Variants in GREM2 observed in about 807,000 individuals in gnomAD.
GREM2 encodes the protein gremlin 2, DAN family BMP antagonist, also known as gremlin-2.
GREM2 carries 11 observed loss-of-function variants against 14.2 expected under a neutral mutation model. That is an observed-to-expected ratio of 0.78 (90% CI 0.49 to 1.28). The LOEUF is 1.28. GREM2 is among the 50% of genes most tolerant of loss of function. The pLI is 0.00. For synonymous variants in GREM2, 98 were observed against 97.6 expected, an observed-to-expected ratio of 1.00 and a Z score of -0.02; for missense variants, 210 against 218.5, an observed-to-expected ratio of 0.96 and a Z score of 0.24.
At chr1:240,521,390 A>T (rs1678087836) in intron 1 of GREM2, among the ~76,000 whole-genome samples, 1 of 151,924 alleles carries the variant, frequency 6.6e-6, no homozygotes. Context: ...AACACGGTGA[A>T]ACCCCGTCTC....
intron 1 of GREM2, among the ~76,000 whole-genome samples, chr1:240,568,282 T>G (rs1259883010): frequency 6.6e-6 from 1 of 152,018 alleles, no homozygotes; most frequent in Non-Finnish European, 1.5e-5. Flanking sequence ...TGTAATAAGT[T>G]TAAAATATGC....
chr1:240,544,539 A>G (rs1678674609), intron 1 of GREM2, among the ~76,000 whole-genome samples: 1 of 152,218 alleles, frequency 6.6e-6, no homozygotes, highest in Admixed American at 6.5e-5. Context: ...AATGGATACA[A>G]AGGAACAGGT....
intron 1 of GREM2, chr1:240,550,404 A>C (rs1023769628): frequency 6.6e-6 from 1 of 151,750 alleles, no homozygotes; most frequent in African/African-American, 2.4e-5. Context: ...ATGATTTGTT[A>C]AAACAAACAA....
chr1:240,600,099 G>A (rs1679893339), intron 1 of GREM2, among the ~76,000 whole-genome samples: 2 of 152,194 alleles, frequency 1.3e-5, no homozygotes, highest in Admixed American at 1.3e-4. Context: ...GGAGTATGGT[G>A]TAGTAGAAAG....
intron 1 of GREM2, among the ~76,000 whole-genome samples, chr1:240,573,274 C>A (rs1679294076): frequency 6.6e-6 from 1 of 151,932 alleles, no homozygotes; most frequent in African/African-American, 2.4e-5. Flanking sequence ...CCAGTCTGGG[C>A]AACAAATGAG....
chr1:240,526,207 GC>G (rs1678218720), intron 1 of GREM2, among the ~76,000 whole-genome samples: 1 of 152,124 alleles, frequency 6.6e-6, no homozygotes, highest in Non-Finnish European at 1.5e-5. Flanking sequence ...TTGGAGGGGG[GC>G]ATTGTTTCGT....
chr1:240,593,800 C>T (rs1195527787), intron 1 of GREM2, among the ~76,000 whole-genome samples: 1 of 152,004 alleles, frequency 6.6e-6, no homozygotes, highest in Non-Finnish European at 1.5e-5. Flanking sequence ...AAAGGGCTGA[C>T]ACGACCTTAG....
intron 1 of GREM2, among the ~76,000 whole-genome samples, chr1:240,497,120 C>A (rs764696804): frequency 6.6e-6 from 1 of 152,074 alleles, no homozygotes; most frequent in Non-Finnish European, 1.5e-5. Context: ...CACGTGACTG[C>A]GTGACAAAGG....
chr1:240,512,903 GTAAAT>G (rs1677864539), intron 1 of GREM2, among the ~76,000 whole-genome samples: 1 of 152,196 alleles, frequency 6.6e-6, no homozygotes, highest in African/African-American at 2.4e-5. Flanking sequence ...TCAAGGAGAT[GTAAAT>G]TAATCATTCT....
chr1:240,576,231 T>C (rs986647494), intron 1 of GREM2, among the ~76,000 whole-genome samples: 2 of 152,194 alleles, frequency 1.3e-5, no homozygotes, highest in South Asian at 4.1e-4. Context: ...CATAGATAAT[T>C]CAGTTTCATG....
At chr1:240,535,829 A>G (rs146948213) in intron 1 of GREM2, among the ~76,000 whole-genome samples, 3 of 152,090 alleles carry the variant, frequency 2.0e-5, no homozygotes, top group East Asian at 3.9e-4. Flanking sequence ...AAAAAGAGAA[A>G]GAAATATTTA....
At chr1:240,557,475 T>C (rs2103345728) in intron 1 of GREM2, among the ~76,000 whole-genome samples, 1 of 152,212 alleles carries the variant, frequency 6.6e-6, no homozygotes, top group Admixed American at 6.5e-5. Context: ...AAAACAGCAT[T>C]GGTCCTCTCA....
intron 1 of GREM2, among the ~76,000 whole-genome samples, chr1:240,512,524 C>T (rs866109643): frequency 1.3e-5 from 2 of 148,990 alleles, no homozygotes; most frequent in Non-Finnish European, 3.0e-5. Flanking sequence ...AGCTTTCTGT[C>T]GCAGAACTTA....
At chr1:240,538,363 C>T (rs1345741019) in intron 1 of GREM2, among the ~76,000 whole-genome samples, 1 of 152,140 alleles carries the variant, frequency 6.6e-6, no homozygotes, top group East Asian at 1.9e-4. Context: ...ACCATGGAAT[C>T]ATCCAGTGAT....
At chr1:240,517,721 A>C (rs1000089538) in intron 1 of GREM2, among the ~76,000 whole-genome samples, 9 of 152,228 alleles carry the variant, frequency 5.9e-5, no homozygotes, top group African/African-American at 2.2e-4. Flanking sequence ...GCACACAGAT[A>C]CAAACACACA....
intron 1 of GREM2, among the ~76,000 whole-genome samples, chr1:240,596,934 G>A (rs1023690849): frequency 3.9e-5 from 6 of 152,146 alleles, no homozygotes; most frequent in South Asian, 2.1e-4. Flanking sequence ...CACTTTCTCC[G>A]TCCTGCATTC....
chr1:240,521,510 A>C (rs555774538), intron 1 of GREM2, among the ~76,000 whole-genome samples: 1 of 151,876 alleles, frequency 6.6e-6, no homozygotes, highest in Admixed American at 6.6e-5. Context: ...GGCGGAGCTT[A>C]CAGTGAGCCG....
rs149883798 is a variant in GREM2, at chr1:240,553,644, C to T, written c.-2+58240G>A. 2.1e-4 allele frequency among the ~76,000 whole-genome samples: 32 copies of T among 152,274 alleles called. No individual in the cohort carries two copies. The East Asian group carries it at 2.5e-3, about 12-fold the overall frequency. The stretch of plus-strand genomic sequence containing the variant: ...AGCTTGCCATGGCTTATTTATATAA[C>T]GAACACTTCTGAGACCAATTGAAAT... On this transcript the variant is annotated intron_variant, in intron 1 of 1. Transcript: ENST00000318160.
chr1:240,520,244 C>T (rs1678054715), intron 1 of GREM2, among the ~76,000 whole-genome samples: 2 of 152,168 alleles, frequency 1.3e-5, no homozygotes, highest in African/African-American at 4.8e-5. Flanking sequence ...CTAATTTGCT[C>T]TTAAAGCCTT....
Sources: gnomAD v4.1 joint callset for allele counts (sites outside exome capture counted in the v4.1 genomes callset) on GRCh38, gnomAD v4.1.1 for gene constraint, MANE v1.5 for transcripts, NCBI Gene and HGNC (gene_info 2026-07-23, HGNC 2026-07-21) for gene names.